Variants in BLTP3B observed in about 807,000 individuals in gnomAD.
BLTP3B encodes the protein UHRF1 (ICBP90) binding protein 1-like.
the BLTP3B span, among the ~76,000 whole-genome samples, chr12:100,091,077 A>G: frequency 6.8e-6 from 1 of 146,914 alleles, no homozygotes. Flanking sequence ...CCCAGGCTGG[A>G]GTGTAGTGGC....
the BLTP3B span, among the ~76,000 whole-genome samples, chr12:100,068,492 A>C: frequency 6.6e-6 from 1 of 152,250 alleles, no homozygotes; most frequent in African/African-American, 2.4e-5. Flanking sequence ...GTAAAGATAA[A>C]TTGCTGACAC....
At chr12:100,138,344 C>A in the BLTP3B span, among the ~76,000 whole-genome samples, 16 of 152,160 alleles carry the variant, frequency 1.1e-4, no homozygotes, top group Non-Finnish European at 1.8e-4. Context: ...TGTTTGCAGG[C>A]AAAACAACTT....
the BLTP3B span, among the ~76,000 whole-genome samples, chr12:100,135,008 A>C: frequency 2.0e-5 from 3 of 152,164 alleles, no homozygotes; most frequent in African/African-American, 7.2e-5. Flanking sequence ...TAATTCCCAC[A>C]TGGCTGCCAG....
chr12:100,052,847 G>A, the BLTP3B span, among the ~76,000 whole-genome samples: 3 of 145,004 alleles, frequency 2.1e-5, no homozygotes, highest in Admixed American at 7.0e-5. Flanking sequence ...AGGCTGGAGT[G>A]CAGTGGTGCG....
chr12:100,107,771 G>A, the BLTP3B span, among the ~76,000 whole-genome samples: 22 of 152,166 alleles, frequency 1.4e-4, no homozygotes, highest in South Asian at 1.2e-3. Flanking sequence ...GTCTCACTCC[G>A]TCACCCAGGC....
At chr12:100,130,212 G>A in the BLTP3B span, among the ~76,000 whole-genome samples, 3 of 152,090 alleles carry the variant, frequency 2.0e-5, no homozygotes, top group Non-Finnish European at 2.9e-5. Context: ...CGCCCGCCTT[G>A]GCCTCCCAAA....
the BLTP3B span, among the ~76,000 whole-genome samples, chr12:100,139,381 C>A: frequency 6.6e-6 from 1 of 152,204 alleles, no homozygotes; most frequent in Admixed American, 6.5e-5. Context: ...TATATTTCAA[C>A]CTCAAGGCTA....
the BLTP3B span, among the ~76,000 whole-genome samples, chr12:100,119,386 C>A: frequency 3.3e-5 from 5 of 152,106 alleles, no homozygotes; most frequent in Non-Finnish European, 7.4e-5. Context: ...CTTACAGATT[C>A]AAGGCAACCC....
the BLTP3B span, among the ~76,000 whole-genome samples, chr12:100,128,945 C>T: frequency 6.6e-6 from 1 of 151,954 alleles, no homozygotes; most frequent in African/African-American, 2.4e-5. Context: ...CTACTACTCC[C>T]CAATTACATT....
chr12:100,059,072 T>C, the BLTP3B span: 4 of 1,614,122 alleles, frequency 2.5e-6, no homozygotes, highest in African/African-American at 1.3e-5. Context: ...TTTGTGACTC[T>C]GCATATCTTG....
At chr12:100,126,336 C>T in the BLTP3B span, among the ~76,000 whole-genome samples, 1 of 152,140 alleles carries the variant, frequency 6.6e-6, no homozygotes, top group African/African-American at 2.4e-5. Flanking sequence ...CAACTGAAGC[C>T]AGATCATGAA....
At chr12:100,079,190 T>C in the BLTP3B span, among the ~76,000 whole-genome samples, 1 of 152,200 alleles carries the variant, frequency 6.6e-6, no homozygotes, top group African/African-American at 2.4e-5. Context: ...AAAAGATACC[T>C]GAATGTGGAA....
the BLTP3B span, chr12:100,095,681 G>C: frequency 6.2e-7 from 1 of 1,611,910 alleles, no homozygotes; most frequent in Non-Finnish European, 8.5e-7. Flanking sequence ...GTAGGTTCAG[G>C]AGCCATACTC....
At chr12:100,061,484 C>T in the BLTP3B span, among the ~76,000 whole-genome samples, 7 of 151,866 alleles carry the variant, frequency 4.6e-5, no homozygotes, top group East Asian at 1.9e-4. Flanking sequence ...AGTGAAACCC[C>T]GTCTCTACTA....
At chr12:100,105,836 T>C in the BLTP3B span, among the ~76,000 whole-genome samples, 1 of 151,912 alleles carries the variant, frequency 6.6e-6, no homozygotes, top group South Asian at 2.1e-4. Context: ...ATTCAGAATC[T>C]ACAAGGAACT....
the BLTP3B span, among the ~76,000 whole-genome samples, chr12:100,101,948 C>CT: frequency 6.7e-6 from 1 of 148,828 alleles, no homozygotes; most frequent in Non-Finnish European, 1.5e-5. Flanking sequence ...GGAATACAGG[C>CT]GTATACCACC....
At chr12:100,042,412 G>A in the BLTP3B span, among the ~76,000 whole-genome samples, 1 of 152,184 alleles carries the variant, frequency 6.6e-6, no homozygotes, top group Non-Finnish European at 1.5e-5. Context: ...TCAAGACAGT[G>A]TGGTAGTATC....
chr12:100,111,277 A>ATTTTTTTTTTTT, the BLTP3B span, among the ~76,000 whole-genome samples: 6 of 94,772 alleles, frequency 6.3e-5, no homozygotes, highest in Non-Finnish European at 1.0e-4. Flanking sequence ...GGGGTTTTAG[A>ATTTTTTTTTTTT]TTTTTTTTTT....
chr12:100,050,197 A>T, the BLTP3B span: 1 of 1,576,580 alleles, frequency 6.3e-7, no homozygotes, highest in South Asian at 1.2e-5. Flanking sequence ...GTAATGCCGA[A>T]GGCTGATATT....
Sources: gnomAD v4.1 joint callset for allele counts (sites outside exome capture counted in the v4.1 genomes callset) on GRCh38, gnomAD v4.1.1 for gene constraint, MANE v1.5 for transcripts, NCBI Gene and HGNC (gene_info 2026-07-23, HGNC 2026-07-21) for gene names.